Variants in UBE3A observed in about 807,000 individuals in gnomAD.
UBE3A encodes ubiquitin-protein ligase E3A.
UBE3A carries 6 observed loss-of-function variants against 83.4 expected under a neutral mutation model. The observed-to-expected ratio is 0.07, with a 90% CI of 0.04 to 0.14. The LOEUF (loss-of-function observed/expected upper bound fraction) is 0.14. UBE3A is among the 10% of genes least tolerant of loss of function. The pLI is 1.00. For missense variants in UBE3A, 456 were observed against 1,036.1 expected, an observed-to-expected ratio of 0.44 and a Z score of 7.69; for synonymous variants, 337 against 355.4, an observed-to-expected ratio of 0.95 and a Z score of 0.58.
At chr15:25,400,247 C>T (rs1361441783) in intron 4 of UBE3A, among the ~76,000 whole-genome samples, 1 of 152,182 alleles carries the variant, frequency 6.6e-6, no homozygotes, top group Non-Finnish European at 1.5e-5. Context: ...GTACAATCAT[C>T]CCTCGGTATC....
At chr15:25,415,922 A>G (rs2090827315) in intron 1 of UBE3A, 1 of 151,942 alleles carries the variant, frequency 6.6e-6, no homozygotes. Context: ...TCATAGATGA[A>G]CAAAGATACC....
intron 3 of UBE3A, chr15:25,407,892 A>C (rs1422061992): frequency 1.0e-5 from 1 of 97,138 alleles, no homozygotes; most frequent in Non-Finnish European, 2.1e-5. Context: ...TATTTCTAGA[A>C]TATTATAAAT....
intron 4 of UBE3A, among the ~76,000 whole-genome samples, chr15:25,393,411 TAAA>T (rs1596066514): frequency 1.3e-5 from 2 of 152,166 alleles, no homozygotes; most frequent in East Asian, 1.9e-4. Flanking sequence ...AGACAGCAGT[TAAA>T]AAACAAAGAA....
At chr15:25,364,070 A>G (rs1488578017) in intron 6 of UBE3A, among the ~76,000 whole-genome samples, 3 of 151,136 alleles carry the variant, frequency 2.0e-5, no homozygotes, top group Non-Finnish European at 4.4e-5. Context: ...AAATAAATAA[A>G]TAAAAAATAG....
chr15:25,377,898 T>G (rs1454633099), intron 4 of UBE3A, among the ~76,000 whole-genome samples: 1 of 152,122 alleles, frequency 6.6e-6, no homozygotes, highest in Non-Finnish European at 1.5e-5. Context: ...CAAAAGTCAG[T>G]TAAAAAGTAG....
At chr15:25,388,620 T>C (rs2083633750) in intron 4 of UBE3A, among the ~76,000 whole-genome samples, 1 of 151,720 alleles carries the variant, frequency 6.6e-6, no homozygotes, top group South Asian at 2.1e-4. Context: ...GAAAAGGAAA[T>C]AAAGGGTATA....
chr15:25,338,469 T>C lies in UBE3A; in HGVS notation c.*668A>G, dbSNP rs1379035300. On this transcript the variant is annotated 3_prime_UTR_variant, in exon 13 of 13. Transcript: ENST00000648336. ...TTAATTTGTTGTGCTGTTACTAAAG[T>C]TCTGAGGGCTGCAGTTAAAACATTC... The C allele has an allele frequency of 2.0e-5, 3 of 152,210 alleles. No individual in the cohort carries two copies. The highest frequency in any genetic ancestry group is 3.9e-4 in the East Asian group (2 of 5,184). 9.4% of individuals were successfully genotyped at this position (152,210 alleles called of 1,614,324 possible). A position where few individuals can be genotyped will look rare whatever the true frequency, so the allele number is the denominator to read the frequency against.
intron 4 of UBE3A, among the ~76,000 whole-genome samples, chr15:25,381,292 A>C (rs2082126033): frequency 6.6e-6 from 1 of 152,216 alleles, no homozygotes; most frequent in Non-Finnish European, 1.5e-5. Context: ...TGAATTTACA[A>C]GACAACTGGA....
intron 11 of UBE3A, among the ~76,000 whole-genome samples, chr15:25,348,782 T>C (rs1427363981): frequency 1.3e-5 from 2 of 152,176 alleles, no homozygotes; most frequent in Non-Finnish European, 2.9e-5. Context: ...TTAAAAACTA[T>C]AAAACAGTGC....
intron 11 of UBE3A, chr15:25,346,052 A>C (rs767022892): frequency 6.6e-6 from 1 of 152,228 alleles, no homozygotes; most frequent in Non-Finnish European, 1.5e-5. Context: ...ATTCTGCTAT[A>C]ATTGGTCCTG....
chr15:25,427,271 T>C (rs767326805), intron 1 of UBE3A, among the ~76,000 whole-genome samples: 1 of 151,970 alleles, frequency 6.6e-6, no homozygotes, highest in Admixed American at 6.6e-5. Flanking sequence ...CAGTATAATA[T>C]AAAGAAGCCC....
At chr15:25,412,313 G>A (rs1012603226) in intron 1 of UBE3A, among the ~76,000 whole-genome samples, 1 of 152,070 alleles carries the variant, frequency 6.6e-6, no homozygotes, top group Non-Finnish European at 1.5e-5. Context: ...AATACCTATA[G>A]CAATTTTGTT....
chr15:25,417,071 T>C (rs1397233619), intron 1 of UBE3A, among the ~76,000 whole-genome samples: 1 of 152,124 alleles, frequency 6.6e-6, no homozygotes, highest in African/African-American at 2.4e-5. Context: ...GTACTAACTG[T>C]ACACGATTAA....
At chr15:25,424,669 A>G (rs763520974) in intron 1 of UBE3A, among the ~76,000 whole-genome samples, 6 of 152,190 alleles carry the variant, frequency 3.9e-5, no homozygotes, top group Admixed American at 6.5e-5. Context: ...CACAGTTAAG[A>G]GGAAAAAAAA....
chr15:25,395,437 T>TA (rs909209953), intron 4 of UBE3A, among the ~76,000 whole-genome samples: 4 of 151,952 alleles, frequency 2.6e-5, no homozygotes, highest in African/African-American at 7.3e-5. Flanking sequence ...GTATAATGGT[T>TA]AAAAAAAATA....
intron 1 of UBE3A, among the ~76,000 whole-genome samples, chr15:25,419,759 AGG>A (rs1888803661): frequency 6.6e-6 from 1 of 152,108 alleles, no homozygotes; most frequent in African/African-American, 2.4e-5. Context: ...AAAAAGAATG[AGG>A]GAGAGTAAAT....
At chr15:25,366,363 G>A (rs1401884075) in intron 6 of UBE3A, among the ~76,000 whole-genome samples, 2 of 152,188 alleles carry the variant, frequency 1.3e-5, no homozygotes, top group Non-Finnish European at 2.9e-5. Flanking sequence ...ACTAGTAAGA[G>A]TGTTCACCAA....
At position 25,416,381 on chromosome 15, in the gene UBE3A, A is replaced by G. The variant is rs78728859; in HGVS notation, c.-164-4410T>C. Among the ~76,000 whole-genome samples the G allele has an allele frequency of 7.2e-3, 1,100 of 152,324 alleles. 16 individuals are homozygous for G. Among genetic ancestry groups the G allele is most frequent in the African/African-American group, 0.025 (1,057 of 41,590 alleles). Reference sequence around the variant, plus strand: ...TTACTACAACCAACAATGTGAATAAATCTCACAAATACATTAAAAGAAGTC... The same window carrying G: ...TTACTACAACCAACAATGTGAATAAGTCTCACAAATACATTAAAAGAAGTC... On this transcript the variant is annotated intron_variant, in intron 1 of 12. Coordinates refer to ENST00000648336, the MANE Select transcript of UBE3A (RefSeq NM_130839.5).
rs1287537375 is a variant in UBE3A at position 25,438,979 on chromosome 15, TG to T, written c.-656del. On this transcript the variant is annotated 5_prime_UTR_variant, in exon 1 of 13. Coordinates refer to ENST00000648336, the MANE Select transcript of UBE3A (RefSeq NM_130839.5). Reference sequence around the variant, plus strand: ...CACCCCGAGCCCAGCGCCACCATCTTGGGAGACACACGGATCTCGCGGCCGC... The same window carrying T: ...CACCCCGAGCCCAGCGCCACCATCTTGGAGACACACGGATCTCGCGGCCGC... 1 of 152,008 alleles carries T rather than the reference TG, an allele frequency of 6.6e-6. No homozygotes were observed. The highest frequency in any genetic ancestry group is 2.1e-4 in the South Asian group (1 of 4,822). The allele number at this position is 152,008 out of a possible 1,614,324, so 9.4% of individuals were successfully genotyped here.
Sources: allele counts gnomAD v4.1 joint callset (sites outside exome capture counted in the v4.1 genomes callset), GRCh38; gene constraint gnomAD v4.1.1; transcripts MANE v1.5; gene names NCBI Gene and HGNC (gene_info 2026-07-23, HGNC 2026-07-21).